The following MEAK7 variants were observed in gnomAD, a reference collection of about 807,000 sequenced individuals.
The protein encoded by MEAK7 is MTOR associated protein MEAK7.
Under a neutral mutation model 40.5 loss-of-function variants are expected in MEAK7, and 68 were observed. The observed-to-expected ratio is 1.68, with a 90% CI of 1.38 to 2.06. MEAK7 has a LOEUF of 2.06. Ranked by LOEUF, MEAK7 falls within the 30% of genes most tolerant of loss-of-function variation. MEAK7 has a pLI of 0.00. For synonymous variants in MEAK7, 338 were observed against 231.9 expected (o/e 1.46, Z -4.16); for missense variants, 918 against 580.5 (o/e 1.58, Z -5.98).
intron 5 of MEAK7, 177 bp downstream of exon 5, chr16:84,486,454 C>T (rs968708908): frequency 1.4e-6 from 2 of 1,412,610 alleles, no homozygotes; most frequent in Admixed American, 3.1e-5. Flanking sequence ...TCCTGAAGAA[C>T]TCTGATGTGA....
chr16:84,488,098 T>C (rs527395299), intron 4 of MEAK7: 3 of 152,342 alleles, frequency 2.0e-5, no homozygotes, highest in African/African-American at 7.2e-5. Flanking sequence ...TTCAAACAGT[T>C]TCATTTCTCA....
chr16:84,498,176 G>T (rs1437618397), intron 1 of MEAK7, 65 bp from the exon 2 acceptor site: 6 of 1,505,196 alleles, frequency 4.0e-6, no homozygotes, highest in Middle Eastern at 1.8e-4. Flanking sequence ...AATAAATGTT[G>T]AGAATTATAT....
chr16:84,498,610 TACAA>T (rs1328409811), intron 1 of MEAK7, among the ~76,000 whole-genome samples: 1 of 151,946 alleles, frequency 6.6e-6, no homozygotes, highest in African/African-American at 2.4e-5. Context: ...CAATAGCTGA[TACAA>T]ACAAAGCTGG....
chr16:84,494,462 G>C (rs1019447230), intron 3 of MEAK7, among the ~76,000 whole-genome samples: 7 of 151,528 alleles, frequency 4.6e-5, no homozygotes, highest in African/African-American at 1.7e-4. Flanking sequence ...TTTCTGATTT[G>C]AAATCATTAA....
chr16:84,489,490 T>A, intron 3 of MEAK7, 68 bp from the exon 4 acceptor site: 3 of 1,504,570 alleles, frequency 2.0e-6, no homozygotes, highest in Non-Finnish European at 2.7e-6. Context: ...CATGCCCACA[T>A]GGAGAAGGGC....
chr16:84,494,955 G>C (rs937890391), intron 3 of MEAK7: 13 of 387,076 alleles, frequency 3.4e-5, no homozygotes, highest in Non-Finnish European at 5.5e-5. Context: ...TAAGCAGACA[G>C]CTACAGATAA....
At chr16:84,499,175 G>T (rs1914295626) in intron 1 of MEAK7, among the ~76,000 whole-genome samples, 1 of 152,174 alleles carries the variant, frequency 6.6e-6, no homozygotes, top group African/African-American at 2.4e-5. Flanking sequence ...CTCATTATAG[G>T]AAAAGACAAG....
rs1001737822 is a variant in MEAK7, at chr16:84,476,851, T to C, written c.*3062A>G. The C allele has an allele frequency of 1.3e-5, 2 of 152,248 alleles. No individual in the cohort carries two copies. The highest frequency in any genetic ancestry group is 4.8e-5 in the African/African-American group (2 of 41,462). 9.4% of individuals were successfully genotyped at this position (152,248 alleles called of 1,614,324 possible). On this transcript the variant is annotated 3_prime_UTR_variant, in exon 8 of 8. Coordinates refer to ENST00000343629, the MANE Select transcript of MEAK7 (RefSeq NM_020947.4). ...GCTGGAGAAGAGGCAGGAAGATGAC[T>C]GACTTTAAGTTGTATCCTTTTATCT... is the stretch of plus-strand genomic sequence containing the variant.
chr16:84,495,709 G>C lies in MEAK7; in HGVS notation c.358C>G (p.Pro120Ala), dbSNP rs775099010. 2 of 1,614,082 alleles carry C rather than the reference G, an allele frequency of 1.2e-6. No individual in the cohort carries two copies. Among genetic ancestry groups the C allele is most frequent in the East Asian group, 4.5e-5 (2 of 44,874 alleles). Reference protein sequence around the residue: ...IMKMISATEGPVKAREVQKFT... With the variant: ...IMKMISATEGAVKAREVQKFT... ...TTTTGGACTTCTCTGGCCTTCACGG[G>C]ACCTTCTGTGGCAGAAATCATTTTC... Residue 120 changes from proline (P) to alanine (A), a missense_variant, in exon 3 of 8, where the codon CCC becomes GCC. Physicochemically the swap from Pro to Ala is conservative, Grantham distance 27 (BLOSUM62 -1). Transcript: ENST00000343629.
chr16:84,497,789 C>T (rs1914175055), intron 2 of MEAK7, 145 bp downstream of exon 2: 2 of 1,326,184 alleles, frequency 1.5e-6, no homozygotes, highest in Middle Eastern at 5.1e-4. Flanking sequence ...AAAACTAGGT[C>T]ACATCTGGCC....
In MEAK7 at chr16:84,498,088, T is replaced by C. The variant is rs1914204866; in HGVS notation, c.-2A>G. 1 of 1,580,874 alleles carries C rather than the reference T, an allele frequency of 6.3e-7. No homozygotes were observed. Among genetic ancestry groups the C allele is most frequent in the Non-Finnish European group, 8.6e-7 (1 of 1,164,738 alleles). On this transcript the variant is annotated 5_prime_UTR_variant, in exon 2 of 8. Transcript: ENST00000343629. ...CACACGGCTTCTGCTGTTCCCCATC[T>C]GTCCTGATATCTGGCAGAATTCTCT...
At chr16:84,491,541 A>AAAAAAG (rs1913607753) in intron 3 of MEAK7, among the ~76,000 whole-genome samples, 1 of 50,478 alleles carries the variant, frequency 2.0e-5, no homozygotes, top group Non-Finnish European at 5.4e-5. Context: ...CCTGTCTTAA[A>AAAAAAG]AAAAAAAAAA....
intron 6 of MEAK7, among the ~76,000 whole-genome samples, chr16:84,481,930 CAAAAAGAAAAAAAA>C (rs1912588851): frequency 6.6e-6 from 1 of 151,484 alleles, no homozygotes; most frequent in Non-Finnish European, 1.5e-5. Context: ...GACTCCATCT[CAAAAAGAAAAAAAA>C]GAAAAGAAAA....
chr16:84,479,021 G>A lies in MEAK7; in HGVS notation c.*892C>T, dbSNP rs1163228705. On this transcript the variant is annotated 3_prime_UTR_variant, in exon 8 of 8. Coordinates refer to ENST00000343629, the MANE Select transcript of MEAK7 (RefSeq NM_020947.4). ...AGAACCACAACTTTGCTTCTCTGTA[G>A]ACAGATCTCCCAACTTTCCCATCTG... 1 of 152,196 alleles carries A rather than the reference G, an allele frequency of 6.6e-6. No homozygotes were observed. Among genetic ancestry groups the A allele is most frequent in the Non-Finnish European group, 1.5e-5 (1 of 68,038 alleles). 9.4% of individuals were successfully genotyped at this position (152,196 alleles called of 1,614,324 possible).
intron 5 of MEAK7, among the ~76,000 whole-genome samples, chr16:84,484,043 C>G (rs150898757): frequency 1.3e-3 from 197 of 152,270 alleles, no homozygotes; most frequent in African/African-American, 4.6e-3. Flanking sequence ...CTGCACTGCC[C>G]CCGCCCCGCT....
Position 84,478,000 on chromosome 16 carries a change from A to T in MEAK7, c.*1913T>A, listed in dbSNP as rs562322740. 6.6e-6 allele frequency: 1 copy of T among 152,382 alleles called. No homozygotes were observed. The highest frequency in any genetic ancestry group is 1.9e-4 in the East Asian group (1 of 5,182). 9.4% of individuals were successfully genotyped at this position (152,382 alleles called of 1,614,324 possible). On this transcript the variant is annotated 3_prime_UTR_variant, in exon 8 of 8. Transcript: ENST00000343629. ...TCCTAACCTTTGCAGCGGCCTGGGC[A>T]GAAGCAGCAATCAATGGTCACCAAG...
At position 84,493,474 on chromosome 16, in the gene MEAK7, G is replaced by A. The variant is rs1291255030; in HGVS notation, c.384+2209C>T. ...AAGCAAGAAGTTAATTGCGTGGACC[G>A]AACTAACAGATGACCGAAATAATCT... On this transcript the variant is annotated intron_variant, in intron 3 of 7. Coordinates refer to ENST00000343629, the MANE Select transcript of MEAK7 (RefSeq NM_020947.4). Among the ~76,000 whole-genome samples the A allele has an allele frequency of 4.6e-5, 7 of 152,182 alleles. 1 individual carries two copies. The highest frequency in any genetic ancestry group is 7.3e-5 in the Non-Finnish European group (5 of 68,032).
intron 7 of MEAK7, 111 bp downstream of exon 7, chr16:84,480,418 T>C: frequency 7.8e-7 from 1 of 1,288,388 alleles, no homozygotes; most frequent in Non-Finnish European, 1.1e-6. Flanking sequence ...AGGATCAAAT[T>C]TGGGATAAAC....
At chr16:84,485,373 T>A (rs1348144867) in intron 5 of MEAK7, among the ~76,000 whole-genome samples, 1 of 152,212 alleles carries the variant, frequency 6.6e-6, no homozygotes, top group Non-Finnish European at 1.5e-5. Context: ...ACCCTCAACC[T>A]GGTGACCCCT....
Sources: allele counts gnomAD v4.1 joint callset (sites outside exome capture counted in the v4.1 genomes callset), GRCh38; gene constraint gnomAD v4.1.1; transcripts MANE v1.5; gene names NCBI Gene and HGNC (gene_info 2026-07-23, HGNC 2026-07-21).